The following APPL2 variants were observed in gnomAD, a reference collection of about 807,000 sequenced individuals.
The protein encoded by APPL2 is DCC-interacting protein 13-beta.
Under a neutral mutation model 92.7 loss-of-function variants are expected in APPL2, and 84 were observed. The ratio of observed to expected loss-of-function variants is 0.91; its 90% confidence interval spans 0.76 to 1.09. The LOEUF is 1.09. Ranked by LOEUF, APPL2 falls within the 50% of genes least tolerant of loss-of-function variation. The pLI is 0.00. For synonymous variants in APPL2, 291 were observed against 291.0 expected (o/e 1.00, Z 0.00); for missense variants, 736 against 824.5 (o/e 0.89, Z 1.31).
chr12:105,223,227 C>T (rs1322617709), intron 2 of APPL2, among the ~76,000 whole-genome samples: 1 of 152,152 alleles, frequency 6.6e-6, no homozygotes, highest in Non-Finnish European at 1.5e-5. Flanking sequence ...GAACTGCAAT[C>T]GCCCAGGGAA....
At position 105,217,649 on chromosome 12, in the gene APPL2, C is replaced by T. The variant is rs1889796584; in HGVS notation, c.213+17G>A. 6.2e-7 allele frequency: 1 copy of T among 1,613,724 alleles called. No individual in the cohort carries two copies. Among genetic ancestry groups the T allele is most frequent in the African/African-American group, 1.3e-5 (1 of 75,036 alleles). On this transcript the variant is annotated intron_variant, in intron 3 of 20. Coordinates refer to ENST00000258530, the MANE Select transcript of APPL2 (RefSeq NM_018171.5). ...CTGAACACAGCAGCATCACAGGCCA[C>T]ATAAATACCAAGTTACCTGTTTTTC...
At chr12:105,201,771 T>C (rs958969617) in intron 9 of APPL2, among the ~76,000 whole-genome samples, 6 of 152,200 alleles carry the variant, frequency 3.9e-5, no homozygotes, top group Admixed American at 1.3e-4. Context: ...TATATAGATA[T>C]GAGCCGCAGA....
chr12:105,176,118 T>C, intron 19 of APPL2, 36 bp from the exon 20 acceptor site: 1 of 1,554,724 alleles, frequency 6.4e-7, no homozygotes, highest in South Asian at 1.2e-5. Flanking sequence ...TTGGCAAAAG[T>C]AGAGAAGGAT....
rs750168466 is a variant in APPL2, at chr12:105,207,205, C to T, written c.477G>A (p.Val159=). The T allele has an allele frequency of 1.2e-6, 2 of 1,612,190 alleles. No individual in the cohort carries two copies. The highest frequency in any genetic ancestry group is 2.7e-5 in the African/African-American group (2 of 74,982). Residue 159 remains valine (V), a splice_region_variant and synonymous_variant, in exon 8 of 21, where the codon GTG becomes GTA. Transcript: ENST00000258530. ...RLPKKKENEK[V]KTEVGKEVAA... is the part of the protein sequence containing the mutation. ...CCACCTCTTTTCCGACTTCGGTCTT[C>T]ACCTGGTTAAAAGGTGAAAGGAAAA...
intron 8 of APPL2, 105 bp from the exon 9 acceptor site, chr12:105,203,890 G>C: frequency 3.2e-6 from 3 of 945,056 alleles, no homozygotes; most frequent in Non-Finnish European, 5.0e-6. Flanking sequence ...CAGCTGGCTG[G>C]CCCGCCTCGC....
At chr12:105,225,674 G>A (rs762859749) in intron 2 of APPL2, among the ~76,000 whole-genome samples, 20 of 152,152 alleles carry the variant, frequency 1.3e-4, no homozygotes, top group African/African-American at 3.9e-4. Context: ...GACCCACAAT[G>A]GACTATTGCC....
At chr12:105,220,345 C>T (rs950471568) in intron 2 of APPL2, among the ~76,000 whole-genome samples, 1 of 152,120 alleles carries the variant, frequency 6.6e-6, no homozygotes, top group Non-Finnish European at 1.5e-5. Context: ...CAAAAGAAGC[C>T]AGAAATAACA....
At chr12:105,225,321 C>T (rs1890413053) in intron 2 of APPL2, among the ~76,000 whole-genome samples, 1 of 152,150 alleles carries the variant, frequency 6.6e-6, no homozygotes, top group Admixed American at 6.6e-5. Context: ...AACATTATTA[C>T]CCCTGGCCCC....
intron 1 of APPL2, chr12:105,235,187 A>G (rs1891158108): frequency 6.6e-6 from 1 of 152,192 alleles, no homozygotes; most frequent in Non-Finnish European, 1.5e-5. Context: ...AGAAATGTTA[A>G]ACAAAGGAGA....
Position 105,199,371 on chromosome 12 carries a change from A to G in APPL2, c.863+2T>C, listed in dbSNP as rs551405343. On this transcript the variant is annotated splice_donor_variant, in intron 10 of 20. Coordinates refer to ENST00000258530, the MANE Select transcript of APPL2 (RefSeq NM_018171.5). LOFTEE classifies it high-confidence loss of function. ...AAAAGAGGCAGACGGTGGCGTTCTC[A>G]CTTTCTAAGATTAAGGTAACCAGCC... is the stretch of plus-strand genomic sequence containing the variant. 2 of 1,607,040 alleles carry G rather than the reference A, an allele frequency of 1.2e-6. No homozygotes were observed. The highest frequency in any genetic ancestry group is 2.2e-5 in the East Asian group (1 of 44,512).
chr12:105,222,546 G>A (rs1321637661), intron 2 of APPL2, among the ~76,000 whole-genome samples: 3 of 152,142 alleles, frequency 2.0e-5, no homozygotes, highest in Admixed American at 6.5e-5. Context: ...AACTGAGGAG[G>A]GGATATGAAT....
At chr12:105,212,063 G>C (rs1889267876) in intron 4 of APPL2, among the ~76,000 whole-genome samples, 1 of 141,352 alleles carries the variant, frequency 7.1e-6, no homozygotes, top group Non-Finnish European at 1.5e-5. Flanking sequence ...AGCTTGCAGT[G>C]AGCCGAGATC....
At chr12:105,209,984 G>GGAGTCT (rs1889077094) in intron 5 of APPL2, among the ~76,000 whole-genome samples, 3 of 150,934 alleles carry the variant, frequency 2.0e-5, no homozygotes, top group East Asian at 3.9e-4. Flanking sequence ...TTTTTGAGAC[G>GGAGTCT]GAGTCTCGCT....
chr12:105,224,476 T>C (rs1592834897), intron 2 of APPL2, among the ~76,000 whole-genome samples: 1 of 152,232 alleles, frequency 6.6e-6, no homozygotes, highest in African/African-American at 2.4e-5. Flanking sequence ...GTGGCTAGCG[T>C]GTCAGGAGAG....
chr12:105,235,304 G>C (rs1367208747), intron 1 of APPL2: 7 of 152,200 alleles, frequency 4.6e-5, no homozygotes, highest in African/African-American at 1.4e-4. Flanking sequence ...CAAAGGACTT[G>C]ACTCTCATCT....
chr12:105,186,667 T>TATATATATC (rs1566056379), intron 17 of APPL2, among the ~76,000 whole-genome samples: 5 of 33,124 alleles, frequency 1.5e-4, no homozygotes, highest in African/African-American at 3.3e-4. Context: ...ATATATATCA[T>TATATATATC]ATATATGATA....
chr12:105,210,138 T>C lies in APPL2; in HGVS notation c.373+1092A>G, dbSNP rs1348858428. ...ACCATGCCCGGCTAATTTTTTATAG[T>C]TTTAGTAGAGACGAGGTTTCGCCGT... On this transcript the variant is annotated intron_variant, in intron 5 of 20. Coordinates refer to ENST00000258530, the MANE Select transcript of APPL2 (RefSeq NM_018171.5). Among the ~76,000 whole-genome samples the C allele has an allele frequency of 2.0e-5, 3 of 152,060 alleles. No individual in the cohort carries two copies. The East Asian group carries it at 5.8e-4, about 29-fold the overall frequency.
chr12:105,231,391 C>T (rs747195662), intron 1 of APPL2, among the ~76,000 whole-genome samples: 5 of 152,312 alleles, frequency 3.3e-5, no homozygotes, highest in South Asian at 2.1e-4. Context: ...ATGTGCTGGA[C>T]GCTGTGCTGG....
chr12:105,236,077 G>A lies in APPL2; in HGVS notation c.-65C>T, dbSNP rs1416212545. On this transcript the variant is annotated 5_prime_UTR_variant, in exon 1 of 21. Transcript: ENST00000258530. ...AGAGGGCAGGAGACGCGGCGGCCGA[G>A]AGCACTCCCCGGCTCTGGGCTCAGG... 9.5e-6 allele frequency: 11 copies of A among 1,161,422 alleles called. No homozygotes were observed. The East Asian group carries it at 3.4e-4, about 36-fold the overall frequency. The allele number at this position is 1,161,422 out of a possible 1,614,324, so 71.9% of individuals were successfully genotyped here. A position where few individuals can be genotyped will look rare whatever the true frequency, so the allele number is the denominator to read the frequency against.
Sources: allele counts gnomAD v4.1 joint callset (sites outside exome capture counted in the v4.1 genomes callset), GRCh38; gene constraint gnomAD v4.1.1; transcripts MANE v1.5; gene names NCBI Gene and HGNC (gene_info 2026-07-23, HGNC 2026-07-21).